CR2: variants seen among roughly 807,000 people sequenced by gnomAD.
CR2 encodes complement C3d receptor 2.
CR2 carries 96 observed loss-of-function variants against 123.0 expected under a neutral mutation model. The observed-to-expected ratio is 0.78, with a 90% CI of 0.66 to 0.93. CR2 has a LOEUF of 0.93. Ranked by LOEUF, CR2 falls within the 40% of genes least tolerant of loss-of-function variation. The pLI, the probability that CR2 is intolerant of heterozygous loss-of-function variation, is 0.00. For synonymous variants in CR2, 484 were observed against 469.5 expected (o/e 1.03, Z -0.40); for missense variants, 1,258 against 1,361.0 (o/e 0.92, Z 1.19).
chr1:207,482,657 C>T (rs1049065819), intron 18 of CR2, among the ~76,000 whole-genome samples: 7 of 152,026 alleles, frequency 4.6e-5, no homozygotes, highest in Admixed American at 6.6e-5. Context: ...AAAATAACGT[C>T]GCCATGGTGG....
intron 1 of CR2, among the ~76,000 whole-genome samples, chr1:207,461,121 T>A (rs1032091962): frequency 3.9e-5 from 6 of 152,144 alleles, no homozygotes; most frequent in Non-Finnish European, 5.9e-5. Context: ...ATGTGCAGTT[T>A]TTTTGTGTAT....
intron 4 of CR2, 96 bp from the exon 5 acceptor site, chr1:207,469,054 C>CTGATTGAAA: frequency 7.4e-7 from 1 of 1,344,532 alleles, no homozygotes; most frequent in Non-Finnish European, 1.1e-6. Context: ...CAGATGCACA[C>CTGATTGAAA]TGATTGAAAT....
In CR2 at chr1:207,458,059, AACACACACACACACACAC is replaced by A. The variant is rs59735642; in HGVS notation, c.58+3606_58+3623del. On this transcript the variant is annotated intron_variant, in intron 1 of 19. Transcript: ENST00000367057. ...ACACAATTCCCTACCTCAAGGCCAC[AACACACACACACACACAC>A]ACACACACACACACACACACACTCC... is the stretch of plus-strand genomic sequence containing the variant. Among the ~76,000 whole-genome samples the A allele has an allele frequency of 4.0e-4, 49 of 122,664 alleles. No individual in the cohort carries two copies. In the East Asian group the frequency reaches 5.4e-3, roughly 14 times the overall value. The allele number at this position is 122,664 out of a possible 152,430, so 80.5% of individuals were successfully genotyped here.
chr1:207,474,180 T>G (rs1446534039), intron 12 of CR2, 61 bp from the exon 13 acceptor site: 2 of 1,333,294 alleles, frequency 1.5e-6, no homozygotes, highest in Non-Finnish European at 2.2e-6. Flanking sequence ...CCTTTTTGCA[T>G]GCAGTTTGAA....
chr1:207,470,744 C>T lies in CR2; in HGVS notation c.1230C>T (p.Cys410=). 2 of 1,613,684 alleles carry T rather than the reference C, an allele frequency of 1.2e-6. No individual in the cohort carries two copies. The highest frequency in any genetic ancestry group is 1.1e-5 in the South Asian group (1 of 91,070). ...EPSAPVCEKE[C]QAPPNILNGQ... ...TGTTTTTGTCCTTTCATTTAGAATG[C>T]CAGGCCCCTCCTAACATCCTCAATG... The change falls in exon 7 of 20, where the codon TGC becomes TGT. Residue 410 remains cysteine, a synonymous_variant. Transcript: ENST00000367057.
chr1:207,475,348 ATTTGCCT>A (rs1251536179), intron 14 of CR2, 132 bp downstream of exon 14: 3 of 998,418 alleles, frequency 3.0e-6, no homozygotes, highest in African/African-American at 1.6e-5. Flanking sequence ...TTTACAAGAT[ATTTGCCT>A]TTTCCTATCT....
chr1:207,486,422 G>A (rs1367374666), intron 19 of CR2, among the ~76,000 whole-genome samples: 1 of 152,056 alleles, frequency 6.6e-6, no homozygotes, highest in African/African-American at 2.4e-5. Context: ...GTGGGCGAGA[G>A]GATGATCGTA....
At chr1:207,478,094 C>T (rs770595485) in intron 16 of CR2, 24 bp downstream of exon 16, 12 of 1,609,492 alleles carry the variant, frequency 7.5e-6, no homozygotes, top group Admixed American at 3.4e-5. Flanking sequence ...GCTTCACCGC[C>T]GCTTGTAACT....
intron 13 of CR2, 73 bp from the exon 14 acceptor site, chr1:207,474,751 C>T (rs1177152163): frequency 6.1e-6 from 9 of 1,483,150 alleles, no homozygotes; most frequent in Non-Finnish European, 8.5e-6. Flanking sequence ...TGCATATTGT[C>T]ATTTGTACCT....
chr1:207,470,241 T>C lies in CR2; in HGVS notation c.1225+139T>C. 5.3e-6 allele frequency: 5 copies of C among 938,238 alleles called. No homozygotes were observed. The South Asian group carries it at 6.6e-5, about 12-fold the overall frequency. 58.1% of individuals were successfully genotyped at this position (938,238 alleles called of 1,614,324 possible). On this transcript the variant is annotated intron_variant, in intron 6 of 19. Transcript: ENST00000367057. The stretch of plus-strand genomic sequence containing the variant: ...CTACATCTAATCAATATAAATTTTG[T>C]AGAGGGCATTCTTATCACTAGCCCC...
intron 8 of CR2, 23 bp from the exon 9 acceptor site, chr1:207,471,400 G>C (rs1388524649): frequency 6.4e-7 from 1 of 1,572,460 alleles, no homozygotes; most frequent in Non-Finnish European, 8.8e-7. Flanking sequence ...ATGGCAAAAT[G>C]ACATACGTGA....
At position 207,466,618 on chromosome 1, in the gene CR2, T is replaced by G. The variant is rs1248514226; in HGVS notation, c.151T>G (p.Cys51Gly). 1 of 1,614,104 alleles carries G rather than the reference T, an allele frequency of 6.2e-7. No individual in the cohort carries two copies. Among genetic ancestry groups the G allele is most frequent in the Non-Finnish European group, 8.5e-7 (1 of 1,179,956 alleles). The change falls in exon 2 of 20, where the codon TGT (cysteine) becomes GGT (glycine). Residue 51 changes from cysteine to glycine, a missense_variant. By Grantham distance (159) the Cys-to-Gly change is radical (BLOSUM62 -3). Transcript: ENST00000367057. ...TGTTGGTACCGTGATAAGGTACAGT[T>G]GTTCAGGTACCTTCCGCCTCATTGG... is the stretch of plus-strand genomic sequence containing the variant. ...IAVGTVIRYS[C>G]SGTFRLIGEK... is the part of the protein sequence containing the mutation.
Position 207,480,067 on chromosome 1 carries a change from C to T in CR2, c.3188+14C>T, listed in dbSNP as rs376109421. 3.0e-5 allele frequency: 48 copies of T among 1,587,338 alleles called. No individual in the cohort carries two copies. Among genetic ancestry groups the T allele is most frequent in the Non-Finnish European group, 3.7e-5 (43 of 1,156,296 alleles). ...ACACAGAGCACGGTAAGTTCAAAGG[C>T]GAATACTTGATTGACCAACATGCAC... On this transcript the variant is annotated intron_variant, in intron 18 of 19. Transcript: ENST00000367057.
At chr1:207,474,773 G>A (rs771696587) in intron 13 of CR2, 51 bp from the exon 14 acceptor site, 43 of 1,590,226 alleles carry the variant, frequency 2.7e-5, no homozygotes, top group South Asian at 3.3e-5. Context: ...AATGAAGACC[G>A]CTCACCTTGA....
Position 207,454,567 on chromosome 1 carries a change from G to A in CR2, c.58+91G>A. 9.8e-7 allele frequency: 1 copy of A among 1,018,880 alleles called. No homozygotes were observed. The highest frequency in any genetic ancestry group is 2.6e-5 in the Admixed American group (1 of 38,484). The allele number at this position is 1,018,880 out of a possible 1,614,324, so 63.1% of individuals were successfully genotyped here. On this transcript the variant is annotated intron_variant, in intron 1 of 19. Coordinates refer to ENST00000367057, the MANE Select transcript of CR2 (RefSeq NM_001006658.3). This position sits in a 1 kb window ranked among gnomAD's most constrained non-coding sequence, Gnocchi z 4.3. ...ATGCAAAGCAGGGGGCCAAAAGCGA[G>A]ACGGTGGGGGCAGTGCTCGACGCGT...
chr1:207,457,819 G>A (rs1224799392), intron 1 of CR2, among the ~76,000 whole-genome samples: 3 of 151,686 alleles, frequency 2.0e-5, no homozygotes, highest in Non-Finnish European at 2.9e-5. Context: ...AGGGTCTTGG[G>A]GCTCAGCCCT....
intron 6 of CR2, among the ~76,000 whole-genome samples, 155 bp downstream of exon 6, chr1:207,470,257 C>T (rs1462293451): frequency 1.3e-5 from 2 of 152,158 alleles, no homozygotes; most frequent in Non-Finnish European, 2.9e-5. Context: ...GCATTCTTAT[C>T]ACTAGCCCCC....
intron 1 of CR2, among the ~76,000 whole-genome samples, chr1:207,463,575 C>T (rs922907018): frequency 2.6e-5 from 4 of 152,130 alleles, no homozygotes; most frequent in Admixed American, 2.6e-4. Context: ...CTCTGCTATT[C>T]TTTCAGTAGA....
intron 17 of CR2, 38 bp from the exon 18 acceptor site, chr1:207,479,940 T>C (rs1227041328): frequency 6.7e-7 from 1 of 1,483,450 alleles, no homozygotes; most frequent in African/African-American, 1.4e-5. Context: ...TAGGTGATCG[T>C]CTTCTGGCAT....
Sources: allele counts gnomAD v4.1 joint callset (sites outside exome capture counted in the v4.1 genomes callset), GRCh38; gene constraint gnomAD v4.1.1; non-coding constraint Gnocchi (gnomAD v3.1); transcripts MANE v1.5; gene names NCBI Gene and HGNC (gene_info 2026-07-23, HGNC 2026-07-21).